LEMD3: variants seen among roughly 807,000 people sequenced by gnomAD.
The protein encoded by LEMD3 is inner nuclear membrane protein Man1.
A neutral mutation model predicts 95.2 loss-of-function variants in LEMD3; 33 were observed. The ratio of observed to expected loss-of-function variants is 0.35; its 90% confidence interval spans 0.26 to 0.46. The LOEUF is 0.46. Ranked by LOEUF, LEMD3 falls within the 20% of genes least tolerant of loss-of-function variation. The pLI, the probability that LEMD3 is intolerant of heterozygous loss-of-function variation, is 1.00. For synonymous variants in LEMD3, 525 were observed against 474.6 expected (o/e 1.11, Z -1.38); for missense variants, 1,210 against 1,192.8 (o/e 1.01, Z -0.21).
At chr12:65,186,419 A>G (rs886494018) in intron 1 of LEMD3, among the ~76,000 whole-genome samples, 1 of 152,086 alleles carries the variant, frequency 6.6e-6, no homozygotes, top group Non-Finnish European at 1.5e-5. Context: ...TATTAATGCC[A>G]TCTTATCCAA....
intron 1 of LEMD3, among the ~76,000 whole-genome samples, chr12:65,205,960 A>C (rs1869747778): frequency 6.6e-6 from 1 of 152,202 alleles, no homozygotes; most frequent in South Asian, 2.1e-4. Context: ...TATTTAATAA[A>C]GCCATGAAAC....
At chr12:65,200,693 T>C (rs1008564954) in intron 1 of LEMD3, among the ~76,000 whole-genome samples, 1 of 152,226 alleles carries the variant, frequency 6.6e-6, no homozygotes, top group Non-Finnish European at 1.5e-5. Flanking sequence ...TGAATTTTTT[T>C]CATCTATTTT....
intron 2 of LEMD3, among the ~76,000 whole-genome samples, chr12:65,213,608 T>G (rs1008271496): frequency 2.6e-5 from 4 of 152,240 alleles, no homozygotes; most frequent in Admixed American, 2.0e-4. Flanking sequence ...TGTATGAGAA[T>G]GTAACAGTAT....
intron 1 of LEMD3, among the ~76,000 whole-genome samples, chr12:65,195,189 C>A (rs1212541980): frequency 6.6e-6 from 1 of 152,066 alleles, no homozygotes; most frequent in African/African-American, 2.4e-5. Context: ...GCCAGCTATA[C>A]TTAATTTACA....
chr12:65,238,911 T>A, intron 6 of LEMD3, 97 bp downstream of exon 6: 1 of 1,182,886 alleles, frequency 8.5e-7, no homozygotes, highest in Non-Finnish European at 1.3e-6. Flanking sequence ...TTGTGATGGT[T>A]GCCACATAAG....
intron 1 of LEMD3, among the ~76,000 whole-genome samples, chr12:65,194,295 G>A (rs949951423): frequency 2.6e-5 from 4 of 152,170 alleles, no homozygotes; most frequent in African/African-American, 7.2e-5. Flanking sequence ...TTTATCAAGA[G>A]AGGGGAATTG....
chr12:65,188,959 G>A (rs1027961186), intron 1 of LEMD3, among the ~76,000 whole-genome samples: 4 of 152,118 alleles, frequency 2.6e-5, no homozygotes, highest in Non-Finnish European at 4.4e-5. Flanking sequence ...CCCACAGGCA[G>A]TATGTTTCAA....
In LEMD3 at chr12:65,218,576, G is replaced by A. The variant is rs764193615; in HGVS notation, c.1652G>A (p.Ser551Asn). The change falls in exon 4 of 13, where the codon AGT becomes AAT. Residue 551 changes from serine (S) to asparagine (N), a missense_variant. Ser to Asn is a conservative substitution (Grantham distance 46). Coordinates refer to ENST00000308330, the MANE Select transcript of LEMD3 (RefSeq NM_014319.5). ...GGAGATCATGAATGTGGCAGTTCTA[G>A]TCAAAGAACGCTTTCTGTTCAAGAG... ...LAGDHECGSS[S>N]QRTLSVQEAA... The A allele has an allele frequency of 7.5e-6, 12 of 1,606,880 alleles. No homozygotes were observed. The highest frequency in any genetic ancestry group is 1.3e-5 in the African/African-American group (1 of 74,740).
intron 4 of LEMD3, among the ~76,000 whole-genome samples, chr12:65,232,989 A>G (rs1870674173): frequency 6.6e-6 from 1 of 152,304 alleles, no homozygotes; most frequent in South Asian, 2.1e-4. Context: ...TCTGTGTGGA[A>G]AAATGAGTGT....
chr12:65,225,433 G>A (rs1177162091), intron 4 of LEMD3, among the ~76,000 whole-genome samples: 1 of 152,104 alleles, frequency 6.6e-6, no homozygotes, highest in African/African-American at 2.4e-5. Context: ...TTGTGGTTGT[G>A]ACCTCTCTGG....
chr12:65,216,158 T>A (rs1870104781), intron 3 of LEMD3, 115 bp downstream of exon 3: 3 of 744,892 alleles, frequency 4.0e-6, no homozygotes, highest in South Asian at 3.4e-5. Flanking sequence ...TATTTTTCTT[T>A]AGAAGTTTTC....
At chr12:65,177,072 AAG>A (rs1443840776) in intron 1 of LEMD3, among the ~76,000 whole-genome samples, 1 of 152,226 alleles carries the variant, frequency 6.6e-6, no homozygotes, top group Non-Finnish European at 1.5e-5. Flanking sequence ...ACTTTTATAA[AAG>A]GGGAGAATTC....
At chr12:65,245,113 T>G (rs2136358169) in intron 10 of LEMD3, among the ~76,000 whole-genome samples, 1 of 151,770 alleles carries the variant, frequency 6.6e-6, no homozygotes, top group African/African-American at 2.4e-5. Flanking sequence ...AGTCTTTCAT[T>G]GCCTCAGCTC....
At chr12:65,203,954 A>C (rs2136331920) in intron 1 of LEMD3, among the ~76,000 whole-genome samples, 1 of 152,074 alleles carries the variant, frequency 6.6e-6, no homozygotes, top group Non-Finnish European at 1.5e-5. Context: ...AGCTACTCTT[A>C]CTTTGTTTTA....
At chr12:65,243,151 T>G (rs972993423) in intron 9 of LEMD3, among the ~76,000 whole-genome samples, 11 of 152,190 alleles carry the variant, frequency 7.2e-5, no homozygotes, top group African/African-American at 2.4e-4. Context: ...GTACTTTTTT[T>G]TTTAAGGACT....
At chr12:65,194,729 C>T (rs1565784496) in intron 1 of LEMD3, among the ~76,000 whole-genome samples, 1 of 120,822 alleles carries the variant, frequency 8.3e-6, no homozygotes, top group Non-Finnish European at 1.8e-5. Context: ...CTCCTCTCAT[C>T]TTCCTAATTT....
chr12:65,227,671 G>T (rs536044847), intron 4 of LEMD3, among the ~76,000 whole-genome samples: 2 of 151,752 alleles, frequency 1.3e-5, no homozygotes, highest in Admixed American at 6.6e-5. Flanking sequence ...TTGCAGCCCA[G>T]GATGGCTTTG....
intron 1 of LEMD3, among the ~76,000 whole-genome samples, chr12:65,172,594 A>T (rs577015799): frequency 1.3e-3 from 198 of 152,248 alleles, no homozygotes; most frequent in African/African-American, 4.3e-3. Context: ...TGCCCCAAAT[A>T]TTTGGGAGAA....
At chr12:65,185,530 G>C (rs1565781406) in intron 1 of LEMD3, among the ~76,000 whole-genome samples, 1 of 151,826 alleles carries the variant, frequency 6.6e-6, no homozygotes, top group South Asian at 2.1e-4. Context: ...TATATGCATG[G>C]TAGAATTTGG....
Sources: gnomAD v4.1 joint callset for allele counts (sites outside exome capture counted in the v4.1 genomes callset) on GRCh38, gnomAD v4.1.1 for gene constraint, MANE v1.5 for transcripts, NCBI Gene and HGNC (gene_info 2026-07-23, HGNC 2026-07-21) for gene names.